Variants in EPHB1 observed in about 807,000 individuals in gnomAD.
EPHB1 encodes ephrin type-B receptor 1.
A neutral mutation model predicts 94.4 loss-of-function variants in EPHB1; 30 were observed. The ratio of observed to expected loss-of-function variants is 0.32; its 90% CI spans 0.24 to 0.43. EPHB1 has a LOEUF of 0.43. Ranked by LOEUF, EPHB1 falls within the 20% of genes least tolerant of loss-of-function variation. EPHB1 has a pLI of 1.00. For missense variants in EPHB1, 1,055 were observed against 1,308.3 expected, an observed-to-expected ratio of 0.81 and a Z score of 2.99; for synonymous variants, 522 against 489.1, an observed-to-expected ratio of 1.07 and a Z score of -0.89.
chr3:135,107,543 G>T (rs1366148344), intron 4 of EPHB1, among the ~76,000 whole-genome samples: 1 of 152,156 alleles, frequency 6.6e-6, no homozygotes, highest in Non-Finnish European at 1.5e-5. Flanking sequence ...TTCTTCATTG[G>T]ATAATGCTTC....
At position 135,150,230 on chromosome 3, in the gene EPHB1, A is replaced by T. The variant is rs1941151793; in HGVS notation, c.1298-3922A>T. On this transcript the variant is annotated intron_variant, in intron 5 of 15. Coordinates refer to ENST00000398015, the MANE Select transcript of EPHB1 (RefSeq NM_004441.5). ...AGACAGAGGGACTCTGAAGTCCTGT[A>T]TGAAACTGACGTGATTCACAACATG... Among the ~76,000 whole-genome samples the T allele has an allele frequency of 2.6e-5, 4 of 152,236 alleles. No homozygotes were observed. In the South Asian group the frequency reaches 8.3e-4, roughly 32 times the overall value.
chr3:134,984,610 T>C (rs1285104684), intron 3 of EPHB1, among the ~76,000 whole-genome samples: 1 of 151,736 alleles, frequency 6.6e-6, no homozygotes, highest in African/African-American at 2.4e-5. Flanking sequence ...GGCCCTCACC[T>C]GGGCCCCAGA....
At chr3:135,228,750 G>C (rs1469484946) in intron 12 of EPHB1, among the ~76,000 whole-genome samples, 1 of 115,910 alleles carries the variant, frequency 8.6e-6, no homozygotes, top group Non-Finnish European at 2.0e-5. Flanking sequence ...CAGCGTGGGT[G>C]GGGTGGGACC....
chr3:134,988,344 G>A (rs1003838141), intron 3 of EPHB1, among the ~76,000 whole-genome samples: 5 of 152,214 alleles, frequency 3.3e-5, no homozygotes, highest in African/African-American at 1.2e-4. Flanking sequence ...ACAAATTAAT[G>A]AGCAGTATTG....
intron 1 of EPHB1, among the ~76,000 whole-genome samples, chr3:134,914,058 T>G (rs1396969576): frequency 6.6e-6 from 1 of 151,988 alleles, no homozygotes; most frequent in African/African-American, 2.4e-5. Context: ...CTGTGGAGAA[T>G]GTGACTGGAT....
rs747037194 is a variant in EPHB1, at chr3:134,795,625, G to A, written c.-7G>A. The A allele has an allele frequency of 1.9e-6, 3 of 1,603,162 alleles. No individual in the cohort carries two copies. Among genetic ancestry groups the A allele is most frequent in the African/African-American group, 1.4e-5 (1 of 72,984 alleles). ...CTTGGTCTCGGCCTGCGGGCCGTCG[G>A]CCGGCGATGGCCCTGGATTATCTAC... On this transcript the variant is annotated 5_prime_UTR_variant, in exon 1 of 16. Transcript: ENST00000398015.
chr3:135,206,767 T>C (rs535618830), intron 12 of EPHB1, among the ~76,000 whole-genome samples: 1 of 152,274 alleles, frequency 6.6e-6, no homozygotes, highest in South Asian at 2.1e-4. Flanking sequence ...GAGAATTGCT[T>C]AAACCTGGGA....
At chr3:135,255,690 T>G (rs953737334) in intron 15 of EPHB1, among the ~76,000 whole-genome samples, 2 of 151,458 alleles carry the variant, frequency 1.3e-5, no homozygotes, top group African/African-American at 4.9e-5. Flanking sequence ...AAAGTGTTTA[T>G]TCTGTTGACT....
At chr3:135,194,618 G>A (rs892277360) in intron 11 of EPHB1, among the ~76,000 whole-genome samples, 1 of 152,140 alleles carries the variant, frequency 6.6e-6, no homozygotes, top group Admixed American at 6.6e-5. Flanking sequence ...GGGTAGCTGG[G>A]GGACTTGTCT....
chr3:135,243,898 T>A (rs1013288132), intron 13 of EPHB1, among the ~76,000 whole-genome samples: 1 of 152,162 alleles, frequency 6.6e-6, no homozygotes, highest in Admixed American at 6.5e-5. Context: ...GCAGTCTTAT[T>A]GAAACATCAG....
At chr3:134,984,953 G>C (rs879675039) in intron 3 of EPHB1, among the ~76,000 whole-genome samples, 1 of 152,112 alleles carries the variant, frequency 6.6e-6, no homozygotes, top group Non-Finnish European at 1.5e-5. Flanking sequence ...AGAGAGCTTG[G>C]TGGCATCAAA....
At chr3:135,133,199 T>C in intron 5 of EPHB1, 150 bp downstream of exon 5, 1 of 785,306 alleles carries the variant, frequency 1.3e-6, no homozygotes. Context: ...GCATTTGTGA[T>C]CACATAGAGC....
chr3:134,977,855 A>G, intron 3 of EPHB1: 1 of 407,394 alleles, frequency 2.5e-6, no homozygotes, highest in East Asian at 7.3e-5. Flanking sequence ...AAGCCCTGTA[A>G]CAGAGCTGGC....
intron 12 of EPHB1, among the ~76,000 whole-genome samples, chr3:135,220,614 T>G (rs1576478489): frequency 1.4e-5 from 2 of 146,084 alleles, no homozygotes; most frequent in African/African-American, 5.0e-5. Context: ...TTTTTTTTCC[T>G]GGTCAGCAAT....
chr3:134,897,751 A>G (rs2038115139), intron 1 of EPHB1, among the ~76,000 whole-genome samples: 1 of 152,182 alleles, frequency 6.6e-6, no homozygotes, highest in South Asian at 2.1e-4. Context: ...TGAAAACCCT[A>G]GGATTGTCTG....
intron 13 of EPHB1, among the ~76,000 whole-genome samples, chr3:135,245,543 C>G (rs543678721): frequency 2.7e-5 from 4 of 147,432 alleles, no homozygotes; most frequent in Non-Finnish European, 5.9e-5. Flanking sequence ...AAAATCGGCC[C>G]GTGCCTGTAA....
Position 135,209,672 on chromosome 3 carries a change from A to T in EPHB1, c.2346+7983A>T, listed in dbSNP as rs1282095376. ...TATACCATGTGATCCTTAACAGGAC[A>T]TCTCTAGGACAATTGTTGGGCTGGA... On this transcript the variant is annotated intron_variant, in intron 12 of 15. Coordinates refer to ENST00000398015, the MANE Select transcript of EPHB1 (RefSeq NM_004441.5). 2.0e-5 allele frequency among the ~76,000 whole-genome samples: 3 copies of T among 152,326 alleles called. No individual in the cohort carries two copies. In the South Asian group the frequency reaches 6.2e-4, roughly 32 times the overall value.
At chr3:135,067,316 A>G (rs2400400) in intron 3 of EPHB1, among the ~76,000 whole-genome samples, 150,797 of 152,170 alleles carry the variant, frequency 0.99, 74,732 homozygotes, top group East Asian at 1. Context: ...AATGAGGTGG[A>G]GGCAGGGCTA....
Position 134,951,521 on chromosome 3 carries a change from A to C in EPHB1, c.274A>C (p.Thr92Pro). ...TCGCATCTACACAGAGATGCGCTTCACTGTGAGAGACTGCAGCAGCCTCCC... is the reference window on the plus strand; with the variant it reads ...TCGCATCTACACAGAGATGCGCTTCCCTGTGAGAGACTGCAGCAGCCTCCC... Reference protein sequence around the residue: ...AHRIYTEMRFTVRDCSSLPNV... With the variant: ...AHRIYTEMRFPVRDCSSLPNV... Residue 92 changes from threonine (T) to proline (P), a missense_variant, in exon 3 of 16, where the codon ACT (threonine) becomes CCT (proline). Transcript: ENST00000398015. This position sits in a 1 kb window ranked among gnomAD's most constrained non-coding sequence, Gnocchi z 4.5. 1 of 1,613,814 alleles carries C rather than the reference A, an allele frequency of 6.2e-7. No homozygotes were observed. Among genetic ancestry groups the C allele is most frequent in the Non-Finnish European group, 8.5e-7 (1 of 1,179,830 alleles).
Sources: gnomAD v4.1 joint callset for allele counts (sites outside exome capture counted in the v4.1 genomes callset) on GRCh38, gnomAD v4.1.1 for gene constraint, Gnocchi (gnomAD v3.1) non-coding constraint, MANE v1.5 for transcripts, NCBI Gene and HGNC (gene_info 2026-07-23, HGNC 2026-07-21) for gene names.